Variants in PCDHGB5 observed in about 807,000 individuals in gnomAD.
PCDHGB5 encodes protocadherin gamma-B5.
PCDHGB5 carries 48 observed loss-of-function variants against 62.9 expected under a neutral mutation model. The ratio of observed to expected loss-of-function variants is 0.76; its 90% CI spans 0.61 to 0.97. The LOEUF (loss-of-function observed/expected upper bound fraction) is 0.97. PCDHGB5 is among the 50% of genes least tolerant of loss of function. The probability of loss-of-function intolerance (pLI) is 0.00; values close to 1 mark genes in which losing one functional copy is unlikely to be tolerated. For synonymous variants in PCDHGB5, 474 were observed against 511.2 expected (o/e 0.93, Z 0.98); for missense variants, 1,118 against 1,198.6 (o/e 0.93, Z 0.99).
chr5:141,467,693 G>A lies in PCDHGB5; in HGVS notation c.2398-27114G>A, dbSNP rs543886467. Among the ~76,000 whole-genome samples the A allele has an allele frequency of 2.0e-4, 30 of 152,110 alleles. No individual in the cohort carries two copies. In the South Asian group the frequency reaches 5.6e-3, roughly 28 times the overall value. On this transcript the variant is annotated intron_variant, in intron 1 of 3. Transcript: ENST00000617380. ...TTTTATTTTTTTTAGACAGGGTCTGGCTCTGTTGCCCAGGCTGGAGTGTAG... is the reference window on the plus strand; with the variant it reads ...TTTTATTTTTTTTAGACAGGGTCTGACTCTGTTGCCCAGGCTGGAGTGTAG...
In PCDHGB5 at chr5:141,491,707, G is replaced by A. The variant is rs1337506934; in HGVS notation, c.2398-3100G>A. ...GCTGCGGGAGCGGAGCCAGGTGAGG[G>A]GCTCGGCGCCGCCCCGGGCGACCCC... On this transcript the variant is annotated intron_variant, in intron 1 of 3. Transcript: ENST00000617380. The surrounding 1 kb of genome is among the most constrained non-coding windows in gnomAD (Gnocchi z 6.9). The A allele has an allele frequency of 6.2e-6, 10 of 1,610,604 alleles. No homozygotes were observed. Among genetic ancestry groups the A allele is most frequent in the Admixed American group, 1.7e-5 (1 of 59,554 alleles).
chr5:141,414,938 C>G (rs1407853248), intron 1 of PCDHGB5: 1 of 1,614,116 alleles, frequency 6.2e-7, no homozygotes, highest in Admixed American at 1.7e-5. Flanking sequence ...TCCGCAGAGC[C>G]CGGCTACCTG....
intron 1 of PCDHGB5, chr5:141,419,118 T>C: frequency 6.2e-7 from 1 of 1,613,806 alleles, no homozygotes; most frequent in South Asian, 1.1e-5. Context: ...GAGTACAACG[T>C]CACCATCGCA....
rs528069305 is a variant in PCDHGB5, at chr5:141,457,143, T to A, written c.2398-37664T>A. Among the ~76,000 whole-genome samples the A allele has an allele frequency of 5.3e-5, 8 of 152,334 alleles. No homozygotes were observed. In the South Asian group the frequency reaches 1.5e-3, roughly 28 times the overall value. On this transcript the variant is annotated intron_variant, in intron 1 of 3. Transcript: ENST00000617380. ...ATGGAAACTCTGTCCAATATTTCAG[T>A]TAGAAGGTGCTACCATGGATAACCC...
chr5:141,414,330 G>A (rs1472752550), intron 1 of PCDHGB5: 2 of 1,613,714 alleles, frequency 1.2e-6, no homozygotes, highest in Non-Finnish European at 1.7e-6. Flanking sequence ...AGAATGGACA[G>A]GTAACCTGTT....
At chr5:141,465,742 A>G (rs1425097489) in intron 1 of PCDHGB5, among the ~76,000 whole-genome samples, 1 of 151,214 alleles carries the variant, frequency 6.6e-6, no homozygotes, top group Non-Finnish European at 1.5e-5. Flanking sequence ...TGTTTTCAGG[A>G]TCAGACTGGT....
chr5:141,490,618 A>G lies in PCDHGB5; in HGVS notation c.2398-4189A>G, dbSNP rs1463273520. On this transcript the variant is annotated intron_variant, in intron 1 of 3. Transcript: ENST00000617380. The surrounding 1 kb of genome is among the most constrained non-coding windows in gnomAD (Gnocchi z 5.4). ...ACCCCGCTTCAACCAGCAGCTTTAC[A>G]CTGCTTACATCCTAGAAAACCGGCC... 4.3e-6 allele frequency: 7 copies of G among 1,613,986 alleles called. No homozygotes were observed. Among genetic ancestry groups the G allele is most frequent in the Admixed American group, 1.7e-5 (1 of 59,996 alleles).
At chr5:141,482,338 T>C (rs2099556539) in intron 1 of PCDHGB5, among the ~76,000 whole-genome samples, 1 of 152,156 alleles carries the variant, frequency 6.6e-6, no homozygotes, top group African/African-American at 2.4e-5. Context: ...ATATCTACTT[T>C]GCAAACTTGT....
chr5:141,410,023 C>G, intron 1 of PCDHGB5: 1 of 1,613,310 alleles, frequency 6.2e-7, no homozygotes, highest in Non-Finnish European at 8.5e-7. Context: ...TGTCCTACCA[C>G]GTGCTGCAGG....
chr5:141,431,960 T>C lies in PCDHGB5; in HGVS notation c.2397+31436T>C. On this transcript the variant is annotated intron_variant, in intron 1 of 3. Transcript: ENST00000617380. This position sits in a 1 kb window ranked among gnomAD's most constrained non-coding sequence, Gnocchi z 4.8. ...TAAATTAGAAAAATCTTACGGAAAT[T>C]ACTATAGTTTAGTCACAGACATAGT... The C allele has an allele frequency of 3.7e-6, 6 of 1,614,166 alleles. No individual in the cohort carries two copies. Among genetic ancestry groups the C allele is most frequent in the Non-Finnish European group, 5.1e-6 (6 of 1,180,034 alleles).
intron 1 of PCDHGB5, chr5:141,421,745 T>C: frequency 6.2e-7 from 1 of 1,613,950 alleles, no homozygotes; most frequent in Non-Finnish European, 8.5e-7. Flanking sequence ...AGCTACCAGC[T>C]CAGCCCTAAT....
intron 1 of PCDHGB5, among the ~76,000 whole-genome samples, chr5:141,460,256 C>T (rs1315761341): frequency 6.6e-6 from 1 of 151,704 alleles, no homozygotes; most frequent in Admixed American, 6.6e-5. Context: ...TTGATAAAGC[C>T]CAATTTATTT....
chr5:141,495,103 C>T (rs1383918796), intron 2 of PCDHGB5, among the ~76,000 whole-genome samples: 2 of 152,132 alleles, frequency 1.3e-5, no homozygotes, highest in Non-Finnish European at 2.9e-5. Context: ...TCGCCACGAC[C>T]GGCACCTTTT....
intron 1 of PCDHGB5, among the ~76,000 whole-genome samples, chr5:141,450,976 C>T (rs2098702750): frequency 6.6e-6 from 1 of 152,032 alleles, no homozygotes; most frequent in Admixed American, 6.6e-5. Flanking sequence ...AGGCATGTGC[C>T]ACCACACCCG....
At chr5:141,492,606 C>G (rs1019615566) in intron 1 of PCDHGB5, among the ~76,000 whole-genome samples, 3 of 152,232 alleles carry the variant, frequency 2.0e-5, no homozygotes, top group African/African-American at 7.2e-5. Flanking sequence ...GACTGCCGCT[C>G]TAAGTGCCGG....
At chr5:141,423,990 T>A (rs2096793990) in intron 1 of PCDHGB5, 2 of 1,090,000 alleles carry the variant, frequency 1.8e-6, no homozygotes, top group East Asian at 1.1e-4. Flanking sequence ...GCTCTCAATT[T>A]ATTATATATA....
intron 2 of PCDHGB5, among the ~76,000 whole-genome samples, chr5:141,496,123 C>T (rs2099766207): frequency 6.6e-6 from 1 of 152,098 alleles, no homozygotes; most frequent in African/African-American, 2.4e-5. Flanking sequence ...CTTCCCTGCC[C>T]CTCACACACT....
At chr5:141,498,971 G>GGGAGGGAAGGAAGGAA (rs2099787588) in intron 2 of PCDHGB5, among the ~76,000 whole-genome samples, 1 of 110,970 alleles carries the variant, frequency 9.0e-6, no homozygotes, top group African/African-American at 3.6e-5. Flanking sequence ...GAGGGAGGGA[G>GGGAGGGAAGGAAGGAA]GGAAGGAAGG....
At chr5:141,402,812 C>A in intron 1 of PCDHGB5, 1 of 1,243,796 alleles carries the variant, frequency 8.0e-7, no homozygotes, top group Non-Finnish European at 1.1e-6. Flanking sequence ...GCAGATACCA[C>A]AAACCTGCTC....
Sources: allele counts gnomAD v4.1 joint callset (sites outside exome capture counted in the v4.1 genomes callset), GRCh38; gene constraint gnomAD v4.1.1; non-coding constraint Gnocchi (gnomAD v3.1); transcripts MANE v1.5; gene names NCBI Gene and HGNC (gene_info 2026-07-23, HGNC 2026-07-21).